The following FAM241A variants were observed in gnomAD, a reference collection of about 807,000 sequenced individuals.
FAM241A encodes uncharacterized protein FAM241A.
A neutral mutation model predicts 12.2 loss-of-function variants in FAM241A; 7 were observed. The ratio of observed to expected loss-of-function variants is 0.58; its 90% confidence interval spans 0.33 to 1.08. The LOEUF is 1.08. Ranked by LOEUF, FAM241A falls within the 50% of genes least tolerant of loss-of-function variation. The probability of loss-of-function intolerance (pLI) is 0.04; values close to 1 mark genes in which losing one functional copy is unlikely to be tolerated. For missense variants in FAM241A, 161 were observed against 169.7 expected (o/e 0.95, Z 0.29); for synonymous variants, 74 against 68.2 (o/e 1.08, Z -0.42).
chr4:112,176,706 C>T (rs1392607224), intron 1 of FAM241A, among the ~76,000 whole-genome samples: 8 of 152,140 alleles, frequency 5.3e-5, no homozygotes, highest in Admixed American at 5.2e-4. Context: ...AGTTAGAACA[C>T]CCCTCTATTT....
At chr4:112,150,678 T>A (rs2164446) in intron 1 of FAM241A, among the ~76,000 whole-genome samples, 51,865 of 152,036 alleles carry the variant, frequency 0.34, 9,011 homozygotes, top group East Asian at 0.53. Flanking sequence ...TGCCTTTTGA[T>A]CTATCAGTAG....
intron 1 of FAM241A, among the ~76,000 whole-genome samples, chr4:112,169,922 G>A (rs1723681720): frequency 6.6e-6 from 1 of 152,178 alleles, no homozygotes; most frequent in African/African-American, 2.4e-5. Flanking sequence ...TTTCACAAAT[G>A]TGAGATTCCT....
intron 1 of FAM241A, among the ~76,000 whole-genome samples, chr4:112,153,593 T>C (rs1015478959): frequency 6.6e-6 from 1 of 152,206 alleles, no homozygotes; most frequent in Non-Finnish European, 1.5e-5. Flanking sequence ...ACCGAGTTTC[T>C]AACCAACCTG....
At position 112,185,712 on chromosome 4, in the gene FAM241A, G is replaced by A. The variant is rs138968857; in HGVS notation, c.154-981G>A. Among the ~76,000 whole-genome samples the A allele has an allele frequency of 2.8e-3, 429 of 152,338 alleles. 1 individual carries two copies. The highest frequency in any genetic ancestry group is 4.4e-3 in the Non-Finnish European group (298 of 68,034). The stretch of plus-strand genomic sequence containing the variant: ...TAGACCTGGGAACCAGGTATCTGAG[G>A]AAGAAGCACCCAGTAATTGGAGCTG... On this transcript the variant is annotated intron_variant, in intron 1 of 1. Transcript: ENST00000309733.
intron 1 of FAM241A, among the ~76,000 whole-genome samples, chr4:112,157,154 T>C (rs1723370098): frequency 6.6e-6 from 1 of 152,168 alleles, no homozygotes; most frequent in African/African-American, 2.4e-5. Context: ...GGGAACCCAG[T>C]AAATGTTACA....
intron 1 of FAM241A, among the ~76,000 whole-genome samples, chr4:112,163,492 T>C (rs1402604966): frequency 4.6e-5 from 7 of 152,066 alleles, no homozygotes; most frequent in Admixed American, 2.6e-4. Context: ...CATCAAAAAG[T>C]GGGCAAAGGA....
intron 1 of FAM241A, among the ~76,000 whole-genome samples, chr4:112,152,943 A>C (rs913058597): frequency 6.6e-6 from 1 of 152,118 alleles, no homozygotes; most frequent in East Asian, 1.9e-4. Context: ...ACATGGAGGC[A>C]CTCAATAAAT....
intron 1 of FAM241A, among the ~76,000 whole-genome samples, chr4:112,180,385 G>T (rs536673811): frequency 6.6e-6 from 1 of 152,146 alleles, no homozygotes; most frequent in South Asian, 2.1e-4. Context: ...AAGAGCTAAA[G>T]AAATAATTTA....
chr4:112,170,886 G>GAAA lies in FAM241A; in HGVS notation c.154-15794_154-15792dup, dbSNP rs34674981. On this transcript the variant is annotated intron_variant, in intron 1 of 1. Coordinates refer to ENST00000309733, the MANE Select transcript of FAM241A (RefSeq NM_152400.3). ...CTTAACTGGATACAGTTAAAAATAG[G>GAAA]AAAAAAAAAAAAAAAGCCCACTTTT... 2.0e-3 allele frequency among the ~76,000 whole-genome samples: 271 copies of GAAA among 132,730 alleles called. 1 individual carries two copies. The highest frequency in any genetic ancestry group is 7.1e-3 in the African/African-American group (244 of 34,192). 87.1% of individuals were successfully genotyped at this position (132,730 alleles called of 152,430 possible).
rs1724098031 is a variant in FAM241A at position 112,188,830 on chromosome 4, T to C, written c.*1892T>C. 1 of 152,160 alleles carries C rather than the reference T, an allele frequency of 6.6e-6. No individual in the cohort carries two copies. Among genetic ancestry groups the C allele is most frequent in the Non-Finnish European group, 1.5e-5 (1 of 68,018 alleles). 9.4% of individuals were successfully genotyped at this position (152,160 alleles called of 1,614,324 possible). ...GTAATTTTTAATACTAACTATTTAG[T>C]ATACTGTCAGTACTGTACATCTGCA... is the stretch of plus-strand genomic sequence containing the variant. On this transcript the variant is annotated 3_prime_UTR_variant, in exon 2 of 2. Coordinates refer to ENST00000309733, the MANE Select transcript of FAM241A (RefSeq NM_152400.3).
chr4:112,154,137 G>A (rs1359971460), intron 1 of FAM241A, among the ~76,000 whole-genome samples: 1 of 152,108 alleles, frequency 6.6e-6, no homozygotes, highest in East Asian at 1.9e-4. Flanking sequence ...GAGTTTTAGA[G>A]GTAATAACAG....
intron 1 of FAM241A, among the ~76,000 whole-genome samples, chr4:112,176,541 A>G (rs1723825687): frequency 1.3e-5 from 2 of 152,206 alleles, no homozygotes; most frequent in African/African-American, 2.4e-5. Context: ...TTAATGGGCT[A>G]TGGGACTTAA....
chr4:112,166,679 A>G (rs1237911754), intron 1 of FAM241A, among the ~76,000 whole-genome samples: 1 of 152,132 alleles, frequency 6.6e-6, no homozygotes, highest in Non-Finnish European at 1.5e-5. Context: ...AGACCTCTGG[A>G]GTCTAATAGC....
In FAM241A at chr4:112,170,886, G is replaced by GAA. The variant is rs34674981; in HGVS notation, c.154-15793_154-15792dup. On this transcript the variant is annotated intron_variant, in intron 1 of 1. Coordinates refer to ENST00000309733, the MANE Select transcript of FAM241A (RefSeq NM_152400.3). Reference sequence around the variant, plus strand: ...CTTAACTGGATACAGTTAAAAATAGGAAAAAAAAAAAAAAAGCCCACTTTT... The same window carrying GAA: ...CTTAACTGGATACAGTTAAAAATAGGAAAAAAAAAAAAAAAAAGCCCACTTTT... Among the ~76,000 whole-genome samples the GAA allele has an allele frequency of 2.5e-3, 326 of 132,726 alleles. 2 individuals carry two copies. Among genetic ancestry groups the GAA allele is most frequent in the East Asian group, 4.3e-3 (19 of 4,390 alleles). The allele number at this position is 132,726 out of a possible 152,430, so 87.1% of individuals were successfully genotyped here.
intron 1 of FAM241A, among the ~76,000 whole-genome samples, chr4:112,153,382 GTC>G (rs1459240607): frequency 6.6e-6 from 1 of 152,124 alleles, no homozygotes; most frequent in Non-Finnish European, 1.5e-5. Flanking sequence ...GAAATTCTGT[GTC>G]TCTATTCATG....
chr4:112,174,012 A>T lies in FAM241A; in HGVS notation c.154-12681A>T, dbSNP rs549586159. On this transcript the variant is annotated intron_variant, in intron 1 of 1. Transcript: ENST00000309733. ...TAGAGAATTATTCATTCAAGAAAAT[A>T]TACTAAATCTCAGGCTGCAGTTTCA... Among the ~76,000 whole-genome samples the T allele has an allele frequency of 2.0e-5, 3 of 152,356 alleles. No homozygotes were observed. The South Asian group carries it at 6.2e-4, about 32-fold the overall frequency.
rs913089999 is a variant in FAM241A, at chr4:112,180,647, TA to T, written c.154-6036del. Among the ~76,000 whole-genome samples, 25 of 149,674 alleles carry T rather than the reference TA, an allele frequency of 1.7e-4. 1 individual carries two copies. The highest frequency in any genetic ancestry group is 3.2e-4 in the African/African-American group (13 of 40,850). ...AAATTGCTATAAAAGTTTCTAAATT[TA>T]AAAAAAAAACTTTTTTTCACTGTAG... On this transcript the variant is annotated intron_variant, in intron 1 of 1. Transcript: ENST00000309733.
At chr4:112,178,441 C>T (rs2110432890) in intron 1 of FAM241A, among the ~76,000 whole-genome samples, 1 of 152,244 alleles carries the variant, frequency 6.6e-6, no homozygotes, top group Non-Finnish European at 1.5e-5. Flanking sequence ...AATAGGGAGT[C>T]CTCAACACCA....
chr4:112,169,398 A>G (rs949196615), intron 1 of FAM241A, among the ~76,000 whole-genome samples: 1 of 152,236 alleles, frequency 6.6e-6, no homozygotes, highest in African/African-American at 2.4e-5. Context: ...GGTATATGTT[A>G]CAGTATAAAA....
Sources: allele counts gnomAD v4.1 joint callset (sites outside exome capture counted in the v4.1 genomes callset), GRCh38; gene constraint gnomAD v4.1.1; transcripts MANE v1.5; gene names NCBI Gene and HGNC (gene_info 2026-07-23, HGNC 2026-07-21).